Variants in CSTPP1 observed in about 807,000 individuals in gnomAD.
CSTPP1 encodes UPF0705 protein C11orf49.
At chr11:46,974,187 G>A in the CSTPP1 span, among the ~76,000 whole-genome samples, 1 of 152,008 alleles carries the variant, frequency 6.6e-6, no homozygotes, top group Non-Finnish European at 1.5e-5. Flanking sequence ...AGCTATGATT[G>A]CACCACACTG....
the CSTPP1 span, among the ~76,000 whole-genome samples, chr11:47,016,839 C>CTTTTTTTTTTTTTT: frequency 1.0e-5 from 1 of 99,824 alleles, no homozygotes; most frequent in Non-Finnish European, 1.9e-5. Flanking sequence ...TCATTTAGTA[C>CTTTTTTTTTTTTTT]TTTTTTTTTT....
At chr11:47,052,422 T>G in the CSTPP1 span, 1 of 1,613,974 alleles carries the variant, frequency 6.2e-7, no homozygotes, top group Non-Finnish European at 8.5e-7. Context: ...ACACATTCTC[T>G]TTCGAGAATT....
chr11:47,125,915 G>C, the CSTPP1 span, among the ~76,000 whole-genome samples: 1 of 151,968 alleles, frequency 6.6e-6, no homozygotes, highest in Non-Finnish European at 1.5e-5. Flanking sequence ...TACATGGGAG[G>C]CTGAGGCATG....
chr11:46,937,820 A>T, the CSTPP1 span, among the ~76,000 whole-genome samples: 7 of 152,134 alleles, frequency 4.6e-5, no homozygotes, highest in East Asian at 1.2e-3. Flanking sequence ...TACAGGCGTG[A>T]GCCACCGCGC....
chr11:47,001,460 C>A, the CSTPP1 span, among the ~76,000 whole-genome samples: 1 of 151,362 alleles, frequency 6.6e-6, no homozygotes. Flanking sequence ...ATATGAACTT[C>A]ATTAATTCAT....
the CSTPP1 span, among the ~76,000 whole-genome samples, chr11:47,135,992 TCTCTC>T: frequency 6.6e-6 from 1 of 152,016 alleles, no homozygotes; most frequent in East Asian, 1.9e-4. Flanking sequence ...TCTCTCTCTC[TCTCTC>T]ATTTTTTCAT....
At chr11:46,977,541 T>C in the CSTPP1 span, among the ~76,000 whole-genome samples, 1 of 152,258 alleles carries the variant, frequency 6.6e-6, no homozygotes, top group Non-Finnish European at 1.5e-5. Context: ...CTTTGTTTCT[T>C]AAAGAGTTCA....
At chr11:47,054,001 CTT>C in the CSTPP1 span, among the ~76,000 whole-genome samples, 5 of 142,560 alleles carry the variant, frequency 3.5e-5, no homozygotes, top group Non-Finnish European at 3.1e-5. Flanking sequence ...TATTTGAAGG[CTT>C]TTTTTTTTTT....
chr11:46,978,544 C>T, the CSTPP1 span, among the ~76,000 whole-genome samples: 1 of 152,164 alleles, frequency 6.6e-6, no homozygotes, highest in African/African-American at 2.4e-5. Flanking sequence ...GTAGACTAAA[C>T]TGGGGCCTCT....
the CSTPP1 span, among the ~76,000 whole-genome samples, chr11:46,952,662 G>C: frequency 6.6e-6 from 1 of 152,136 alleles, no homozygotes; most frequent in African/African-American, 2.4e-5. Context: ...TCTGAGTTCA[G>C]TTGCTCCCTT....
At chr11:46,936,802 A>T in the CSTPP1 span, 2 of 1,610,662 alleles carry the variant, frequency 1.2e-6, no homozygotes, top group Middle Eastern at 3.3e-4. Flanking sequence ...ACCCCGGTCA[A>T]AGGATGCTGA....
the CSTPP1 span, chr11:47,160,946 C>T: frequency 1.4e-6 from 1 of 717,030 alleles, no homozygotes; most frequent in Middle Eastern, 3.5e-4. Context: ...ATGTATCAAG[C>T]AACAGCGAGC....
the CSTPP1 span, among the ~76,000 whole-genome samples, chr11:46,937,627 T>C: frequency 5.3e-5 from 8 of 152,236 alleles, no homozygotes; most frequent in Non-Finnish European, 8.8e-5. Flanking sequence ...TGGAGTGCAG[T>C]GGCGCGATCT....
the CSTPP1 span, among the ~76,000 whole-genome samples, chr11:46,975,758 T>C: frequency 7.2e-5 from 11 of 152,184 alleles, no homozygotes; most frequent in Non-Finnish European, 1.5e-4. Flanking sequence ...ATCTGTAAAA[T>C]GATGGAGATA....
the CSTPP1 span, among the ~76,000 whole-genome samples, chr11:47,088,934 G>C: frequency 1.3e-5 from 2 of 152,142 alleles, no homozygotes; most frequent in East Asian, 3.8e-4. Context: ...ACCTAAAAGT[G>C]ATATTATATG....
chr11:46,962,446 A>G, the CSTPP1 span, among the ~76,000 whole-genome samples: 2 of 152,266 alleles, frequency 1.3e-5, no homozygotes, highest in Admixed American at 1.3e-4. Context: ...GAATTTTAGG[A>G]TCAGCTTGTC....
chr11:47,160,597 AAG>A, the CSTPP1 span: 1 of 154,070 alleles, frequency 6.5e-6, no homozygotes, highest in African/African-American at 2.4e-5. Flanking sequence ...GATTTGGAAA[AAG>A]GGGAAATCTG....
the CSTPP1 span, among the ~76,000 whole-genome samples, chr11:46,958,976 C>T: frequency 6.6e-6 from 1 of 152,174 alleles, no homozygotes. Flanking sequence ...ATGCTAGTCT[C>T]TGCCAGAAAG....
At chr11:47,142,913 A>T in the CSTPP1 span, among the ~76,000 whole-genome samples, 2 of 152,146 alleles carry the variant, frequency 1.3e-5, no homozygotes, top group Admixed American at 6.5e-5. Flanking sequence ...CTGCTGTTTG[A>T]CAGACACCTC....
Sources: gnomAD v4.1 joint callset for allele counts (sites outside exome capture counted in the v4.1 genomes callset) on GRCh38, gnomAD v4.1.1 for gene constraint, MANE v1.5 for transcripts, NCBI Gene and HGNC (gene_info 2026-07-23, HGNC 2026-07-21) for gene names.